The following XPR1 variants were observed in gnomAD, a reference collection of about 807,000 sequenced individuals.
The protein encoded by XPR1 is xenotropic and polytropic retrovirus receptor 1.
XPR1 carries 28 observed loss-of-function variants against 87.5 expected under a neutral mutation model. That is an observed-to-expected ratio of 0.32 (90% CI 0.24 to 0.44). The LOEUF (loss-of-function observed/expected upper bound fraction) is 0.44. XPR1 is among the 20% of genes least tolerant of loss of function. The pLI is 1.00. For missense variants in XPR1, 559 were observed against 862.3 expected (o/e 0.65, Z 4.41); for synonymous variants, 300 against 306.1 (o/e 0.98, Z 0.21).
intron 2 of XPR1, among the ~76,000 whole-genome samples, chr1:180,747,384 T>C (rs1262552060): frequency 2.6e-5 from 4 of 152,248 alleles, no homozygotes; most frequent in Non-Finnish European, 5.9e-5. Context: ...AAGCCTCTAA[T>C]CCATTTAGTT....
chr1:180,713,231 AT>A (rs1376167747), intron 2 of XPR1, among the ~76,000 whole-genome samples: 6 of 151,934 alleles, frequency 3.9e-5, no homozygotes, highest in East Asian at 1.9e-4. Context: ...TAAGTATTCA[AT>A]TTTTTTTGAT....
chr1:180,782,559 G>A (rs1012560918), intron 2 of XPR1, among the ~76,000 whole-genome samples: 2 of 152,004 alleles, frequency 1.3e-5, no homozygotes, highest in African/African-American at 4.8e-5. Flanking sequence ...ATACGTGTGT[G>A]TTGGGCGGGG....
chr1:180,665,495 T>G (rs899197923), intron 1 of XPR1, among the ~76,000 whole-genome samples: 3 of 152,202 alleles, frequency 2.0e-5, no homozygotes, highest in Non-Finnish European at 4.4e-5. Flanking sequence ...TTATTTAGAG[T>G]GCCAGAGCAC....
At chr1:180,803,113 C>CAG (rs575799088) in intron 3 of XPR1, among the ~76,000 whole-genome samples, 140 of 152,244 alleles carry the variant, frequency 9.2e-4, no homozygotes, top group African/African-American at 3.3e-3. Context: ...TTCCAAATAC[C>CAG]AGAGAGGCTG....
chr1:180,651,531 T>C (rs367553838), intron 1 of XPR1, among the ~76,000 whole-genome samples: 1 of 152,190 alleles, frequency 6.6e-6, no homozygotes, highest in Non-Finnish European at 1.5e-5. Context: ...GAATTGGTAA[T>C]GGTTTTCTTT....
chr1:180,749,441 A>G (rs1217145487), intron 2 of XPR1, among the ~76,000 whole-genome samples: 1 of 152,118 alleles, frequency 6.6e-6, no homozygotes, highest in East Asian at 1.9e-4. Flanking sequence ...AATATCAGAC[A>G]TTCAGATTGG....
At chr1:180,679,673 T>G (rs1406915497) in intron 1 of XPR1, among the ~76,000 whole-genome samples, 1 of 152,170 alleles carries the variant, frequency 6.6e-6, no homozygotes, top group Non-Finnish European at 1.5e-5. Context: ...ATTACCTAAA[T>G]ATGGTTGTTA....
At chr1:180,704,569 T>G (rs909808999) in intron 2 of XPR1, among the ~76,000 whole-genome samples, 1 of 151,500 alleles carries the variant, frequency 6.6e-6, no homozygotes, top group South Asian at 2.1e-4. Flanking sequence ...AGTGTCTTAT[T>G]CAATTTGTAT....
At chr1:180,815,335 C>T (rs778975193) in intron 7 of XPR1, among the ~76,000 whole-genome samples, 3 of 151,912 alleles carry the variant, frequency 2.0e-5, no homozygotes, top group South Asian at 2.1e-4. Context: ...TTTAGTGTTA[C>T]GCATTATGTT....
At chr1:180,784,054 T>C (rs60457140) in intron 2 of XPR1, among the ~76,000 whole-genome samples, 6,472 of 150,832 alleles carry the variant, frequency 0.043, 509 homozygotes, top group African/African-American at 0.15. Flanking sequence ...GACTCTGTCT[T>C]AAAAAAAAAC....
intron 5 of XPR1, 114 bp downstream of exon 5, chr1:180,806,325 C>T (rs1016203065): frequency 7.4e-6 from 11 of 1,485,824 alleles, no homozygotes; most frequent in Non-Finnish European, 1.0e-5. Flanking sequence ...AATATATATG[C>T]CTTACCTGTG....
chr1:180,771,034 A>G (rs942746590), intron 2 of XPR1, among the ~76,000 whole-genome samples: 1 of 152,098 alleles, frequency 6.6e-6, no homozygotes, highest in African/African-American at 2.4e-5. Flanking sequence ...ACATACATTG[A>G]TTGTTCTTCT....
intron 2 of XPR1, among the ~76,000 whole-genome samples, chr1:180,744,943 G>A (rs1331699494): frequency 1.3e-5 from 2 of 151,942 alleles, no homozygotes; most frequent in African/African-American, 4.8e-5. Flanking sequence ...GAGCCACCAT[G>A]CCCGGCTGGT....
intron 12 of XPR1, 62 bp downstream of exon 12, chr1:180,863,936 G>A (rs927404163): frequency 3.5e-6 from 5 of 1,419,716 alleles, no homozygotes; most frequent in Non-Finnish European, 4.6e-6. Context: ...AGCTAATCCT[G>A]TTGCAGTACA....
chr1:180,714,265 A>G (rs979927663), intron 2 of XPR1, among the ~76,000 whole-genome samples: 4 of 151,218 alleles, frequency 2.6e-5, no homozygotes, highest in Non-Finnish European at 5.9e-5. Flanking sequence ...CTTCTCTAGC[A>G]TCATCATTAT....
chr1:180,635,855 G>C (rs1557932216), intron 1 of XPR1, among the ~76,000 whole-genome samples: 2 of 152,124 alleles, frequency 1.3e-5, no homozygotes. Context: ...ATTATTTAAG[G>C]ACTCATCCAG....
chr1:180,692,364 A>G (rs1571730424), intron 2 of XPR1, among the ~76,000 whole-genome samples: 2 of 152,252 alleles, frequency 1.3e-5, no homozygotes, highest in East Asian at 3.9e-4. Flanking sequence ...CAGATGGCTA[A>G]GAGTGGAGGT....
chr1:180,670,474 T>C (rs1330906922), intron 1 of XPR1, among the ~76,000 whole-genome samples: 1 of 152,230 alleles, frequency 6.6e-6, no homozygotes, highest in Non-Finnish European at 1.5e-5. Context: ...TTAACTTCAA[T>C]AACATACAAA....
intron 3 of XPR1, among the ~76,000 whole-genome samples, chr1:180,790,632 C>T (rs112756197): frequency 3.9e-4 from 59 of 152,106 alleles, no homozygotes; most frequent in African/African-American, 1.1e-3. Context: ...CTCTGCCTCC[C>T]GGGTTCACGT....
Sources: gnomAD v4.1 joint callset for allele counts (sites outside exome capture counted in the v4.1 genomes callset) on GRCh38, gnomAD v4.1.1 for gene constraint, MANE v1.5 for transcripts, NCBI Gene and HGNC (gene_info 2026-07-23, HGNC 2026-07-21) for gene names.